Variants in PI4K2A observed in about 807,000 individuals in gnomAD.
The protein encoded by PI4K2A is phosphatidylinositol 4-kinase type 2 alpha, also known as phosphatidylinositol 4-kinase type 2-alpha.
PI4K2A carries 20 observed loss-of-function variants against 55.0 expected under a neutral mutation model. That is an observed-to-expected ratio of 0.36 (90% CI 0.26 to 0.53). PI4K2A has a LOEUF of 0.53. PI4K2A is among the 20% of genes least tolerant of loss of function. The pLI is 0.91. For missense variants in PI4K2A, 463 were observed against 637.1 expected (o/e 0.73, Z 2.94); for synonymous variants, 235 against 258.5 (o/e 0.91, Z 0.87).
chr10:97,640,874 G>C, exon 1 of PI4K2A: 1 of 1,312,998 alleles, frequency 7.6e-7, no homozygotes, highest in Non-Finnish European at 9.7e-7. Context: ...CGGCCGGCTC[G>C]GGCCCCTCTC....
At chr10:97,648,140 C>A (rs937173366) in intron 1 of PI4K2A, among the ~76,000 whole-genome samples, 1 of 145,392 alleles carries the variant, frequency 6.9e-6, no homozygotes, top group Non-Finnish European at 1.5e-5. Context: ...ATTGCCCAGG[C>A]TGGAGTGCAA....
At chr10:97,640,916 G>A in exon 1 of PI4K2A, 1 of 1,311,904 alleles carries the variant, frequency 7.6e-7, no homozygotes. Flanking sequence ...ACCGCGAGCG[G>A]CAGCCACTGT....
At chr10:97,646,878 G>T (rs527344678) in intron 1 of PI4K2A, among the ~76,000 whole-genome samples, 88 of 152,058 alleles carry the variant, frequency 5.8e-4, no homozygotes, top group Non-Finnish European at 8.5e-4. Context: ...GGGTTCAAGC[G>T]ATTCTCCCGC....
chr10:97,665,724 C>G (rs919107705), intron 6 of PI4K2A, among the ~76,000 whole-genome samples: 22 of 152,200 alleles, frequency 1.4e-4, no homozygotes, highest in African/African-American at 5.3e-4. Context: ...TCCCGAGTAG[C>G]TGGGACTACA....
At chr10:97,665,553 T>C (rs1263170620) in intron 6 of PI4K2A, among the ~76,000 whole-genome samples, 2 of 151,652 alleles carry the variant, frequency 1.3e-5, no homozygotes, top group Non-Finnish European at 2.9e-5. Context: ...GGATTACAGG[T>C]GTGAGCCACT....
At chr10:97,653,029 C>G (rs909828357) in intron 2 of PI4K2A, among the ~76,000 whole-genome samples, 16 of 152,224 alleles carry the variant, frequency 1.1e-4, no homozygotes, top group Non-Finnish European at 2.4e-4. Flanking sequence ...ACTTTTCCCT[C>G]TCTGTGCAGA....
intron 1 of PI4K2A, among the ~76,000 whole-genome samples, chr10:97,641,780 C>T (rs2041471055): frequency 6.6e-6 from 1 of 152,140 alleles, no homozygotes; most frequent in Non-Finnish European, 1.5e-5. Flanking sequence ...TACTTTTTGA[C>T]GACTCCAAAG....
chr10:97,641,093 C>G (rs567708532), exon 1 of PI4K2A: 17 of 1,608,762 alleles, frequency 1.1e-5, no homozygotes, highest in South Asian at 2.2e-5. Context: ...TGCGGCAGGC[C>G]GAGCTGGCCA....
chr10:97,654,445 G>A (rs3890727), intron 2 of PI4K2A, among the ~76,000 whole-genome samples: 40,221 of 151,726 alleles, frequency 0.27, 5,643 homozygotes, highest in Non-Finnish European at 0.31. Flanking sequence ...TAGATGAGAG[G>A]CAGTTATTTT....
intron 1 of PI4K2A, among the ~76,000 whole-genome samples, chr10:97,648,991 C>T (rs183810682): frequency 2.6e-5 from 4 of 152,204 alleles, no homozygotes; most frequent in Admixed American, 2.6e-4. Flanking sequence ...CTCTCAAATC[C>T]TTGGAAGGCA....
chr10:97,646,830 A>G (rs1352010535), intron 1 of PI4K2A, among the ~76,000 whole-genome samples: 1 of 151,918 alleles, frequency 6.6e-6, no homozygotes, highest in Non-Finnish European at 1.5e-5. Context: ...GCTGGAGTGC[A>G]GTGGTGTGAT....
At chr10:97,668,159 G>A (rs1409543877) in intron 8 of PI4K2A, among the ~76,000 whole-genome samples, 2 of 152,122 alleles carry the variant, frequency 1.3e-5, no homozygotes, top group African/African-American at 4.8e-5. Flanking sequence ...GGTTAAGGGT[G>A]CAAACTGTGG....
chr10:97,645,468 C>T (rs1287422900), intron 1 of PI4K2A, among the ~76,000 whole-genome samples: 1 of 151,510 alleles, frequency 6.6e-6, no homozygotes, highest in East Asian at 2.0e-4. Context: ...ATTAGCCGGG[C>T]GTGGTGGCGG....
rs2041557815 is a variant in PI4K2A at position 97,656,925 on chromosome 10, G to C, written c.873G>C (p.Leu291=). The C allele has an allele frequency of 6.2e-7, 1 of 1,614,138 alleles. No individual in the cohort carries two copies. Among genetic ancestry groups the C allele is most frequent in the Non-Finnish European group, 8.5e-7 (1 of 1,180,020 alleles). The change falls in exon 4 of 9, where the codon CTG becomes CTC. Residue 291 remains leucine, a synonymous_variant. Coordinates refer to ENST00000370631, the Ensembl canonical transcript of PI4K2A. The surrounding 1 kb of genome is among the most constrained non-coding windows in gnomAD (Gnocchi z 4.5). ...CTGAGAACACTAACCGGCAACTACT[G>C]CTCCAGTTTGAGCGGTTGGTGGTGC...
At chr10:97,648,434 T>A (rs2041515615) in intron 1 of PI4K2A, among the ~76,000 whole-genome samples, 1 of 152,094 alleles carries the variant, frequency 6.6e-6, no homozygotes, top group East Asian at 1.9e-4. Context: ...CAAACTGGTC[T>A]CAAACTCCAG....
chr10:97,657,636 C>G (rs897659413), intron 4 of PI4K2A, among the ~76,000 whole-genome samples: 19 of 148,776 alleles, frequency 1.3e-4, no homozygotes, highest in Non-Finnish European at 2.4e-4. Context: ...CCACTGCACT[C>G]TAACCTGGGT....
chr10:97,663,661 A>G (rs1331340597), intron 5 of PI4K2A, among the ~76,000 whole-genome samples: 2 of 151,634 alleles, frequency 1.3e-5, no homozygotes, highest in East Asian at 3.9e-4. Flanking sequence ...TCTCTATTAA[A>G]ATGCAAAAAT....
At chr10:97,667,835 A>G (rs981592854) in intron 8 of PI4K2A, among the ~76,000 whole-genome samples, 4 of 152,236 alleles carry the variant, frequency 2.6e-5, no homozygotes, top group Non-Finnish European at 5.9e-5. Flanking sequence ...AAAACAGGAT[A>G]GTAATAATAC....
chr10:97,640,789 CG>C lies in PI4K2A; in HGVS notation c.49del (p.Asp17ThrfsTer197). The C allele has an allele frequency of 6.7e-7, 1 of 1,490,442 alleles. No homozygotes were observed. The highest frequency in any genetic ancestry group is 1.3e-5 in the South Asian group (1 of 76,700). The allele number at this position is 1,490,442 out of a possible 1,614,324, so 92.3% of individuals were successfully genotyped here. Reference sequence around the variant, plus strand: ...GTGTCCCCCGAGCGGGCCCAACCCCCGGACTACACCTTCCCGTCGGGCTCGG... The same window carrying C: ...GTGTCCCCCGAGCGGGCCCAACCCCCGACTACACCTTCCCGTCGGGCTCGG... On this transcript the variant is annotated frameshift_variant, in exon 1 of 9. Coordinates refer to ENST00000370631, the Ensembl canonical transcript of PI4K2A. LOFTEE classifies it high-confidence loss of function.
Sources: gnomAD v4.1 joint callset for allele counts (sites outside exome capture counted in the v4.1 genomes callset) on GRCh38, gnomAD v4.1.1 for gene constraint, Gnocchi (gnomAD v3.1) non-coding constraint, MANE v1.5 for transcripts, NCBI Gene and HGNC (gene_info 2026-07-23, HGNC 2026-07-21) for gene names.